The following LIMA1 variants were observed in gnomAD, a reference collection of about 807,000 sequenced individuals.
The protein encoded by LIMA1 is LIM domain and actin binding 1.
Under a neutral mutation model 62.6 loss-of-function variants are expected in LIMA1, and 52 were observed. That is an observed-to-expected ratio of 0.83 (90% CI 0.67 to 1.05). LIMA1 has a LOEUF of 1.05. LIMA1 is among the 50% of genes least tolerant of loss of function. LIMA1 has a pLI of 0.00. For synonymous variants in LIMA1, 302 were observed against 317.8 expected, an observed-to-expected ratio of 0.95 and a Z score of 0.53; for missense variants, 780 against 902.2, an observed-to-expected ratio of 0.86 and a Z score of 1.74.
intron 1 of LIMA1, among the ~76,000 whole-genome samples, chr12:50,272,592 CAA>C (rs1004308971): frequency 1.3e-4 from 12 of 95,374 alleles, no homozygotes; most frequent in Admixed American, 1.2e-4. Flanking sequence ...AACTCCGTCT[CAA>C]AAAAAAAAAA....
Position 50,222,385 on chromosome 12 carries a change from G to C in LIMA1, c.266C>G (p.Ser89Cys), listed in dbSNP as rs1565847467. Residue 89 changes from serine to cysteine, a missense_variant, in exon 4 of 11, where the codon TCT becomes TGT. Ser to Cys is a moderately radical substitution (Grantham distance 112). Transcript: ENST00000341247. ...AATCTCAGTGCTGCTGTTCCGTAGA[G>C]AGTCTGTGTGAGACTCTGCTCCCAG... The part of the protein sequence containing the change: ...PGLGAESHTD[S>C]LRNSSTEIRH... 1 of 1,614,148 alleles carries C rather than the reference G, an allele frequency of 6.2e-7. No homozygotes were observed. Among genetic ancestry groups the C allele is most frequent in the Admixed American group, 1.7e-5 (1 of 60,010 alleles).
At chr12:50,215,427 T>C (rs1941326462) in intron 4 of LIMA1, among the ~76,000 whole-genome samples, 4 of 152,178 alleles carry the variant, frequency 2.6e-5, no homozygotes, top group Non-Finnish European at 5.9e-5. Context: ...TGTTATTTTA[T>C]ATATGTCTAT....
rs1160716291 is a variant in LIMA1 at position 50,267,527 on chromosome 12, C to CT, written c.-24+15892dup. 6.3e-3 allele frequency among the ~76,000 whole-genome samples: 815 copies of CT among 129,002 alleles called. 3 individuals carry two copies. The highest frequency in any genetic ancestry group is 8.0e-3 in the Non-Finnish European group (470 of 58,998). The allele number at this position is 129,002 out of a possible 152,430, so 84.6% of individuals were successfully genotyped here. ...TCACCGTGCCCCCTGGCCACATTTACTTTTTTTTTTTGAGACAGAGTCTCG... is the reference window on the plus strand; with the variant it reads ...TCACCGTGCCCCCTGGCCACATTTACTTTTTTTTTTTTGAGACAGAGTCTCG... On this transcript the variant is annotated intron_variant, in intron 1 of 10. Transcript: ENST00000341247.
chr12:50,278,362 C>T (rs1055294927), intron 1 of LIMA1, among the ~76,000 whole-genome samples: 9 of 152,126 alleles, frequency 5.9e-5, no homozygotes, highest in African/African-American at 2.2e-4. Flanking sequence ...GTGGAGCTTG[C>T]AGTGAGCAGA....
intron 1 of LIMA1, among the ~76,000 whole-genome samples, chr12:50,280,105 T>C (rs1942320694): frequency 6.7e-6 from 1 of 150,350 alleles, no homozygotes; most frequent in Non-Finnish European, 1.5e-5. Context: ...CATCTTTTTT[T>C]CCCCTAAAGA....
At position 50,222,379 on chromosome 12, in the gene LIMA1, C is replaced by G. The variant is rs770526598; in HGVS notation, c.272G>C (p.Arg91Pro). 2 of 1,614,134 alleles carry G rather than the reference C, an allele frequency of 1.2e-6. No individual in the cohort carries two copies. Among genetic ancestry groups the G allele is most frequent in the Non-Finnish European group, 8.5e-7 (1 of 1,180,024 alleles). The change falls in exon 4 of 11, where the codon CGG becomes CCG. Residue 91 changes from arginine to proline, a missense_variant. Transcript: ENST00000341247. ...GTGCCTAATCTCAGTGCTGCTGTTC[C>G]GTAGAGAGTCTGTGTGAGACTCTGC... is the stretch of plus-strand genomic sequence containing the variant. ...LGAESHTDSL[R>P]NSSTEIRHRA...
intron 4 of LIMA1, among the ~76,000 whole-genome samples, chr12:50,208,992 CTTT>C (rs34753640): frequency 4.4e-5 from 6 of 136,238 alleles, no homozygotes; most frequent in Admixed American, 7.4e-5. Context: ...TTCTTTCTTT[CTTT>C]TTTTTTTTTT....
intron 1 of LIMA1, among the ~76,000 whole-genome samples, chr12:50,265,130 G>A (rs1358430944): frequency 1.1e-4 from 17 of 151,062 alleles, no homozygotes; most frequent in African/African-American, 4.1e-4. Flanking sequence ...TCCAGCCTGG[G>A]CAACAGAGTG....
chr12:50,203,008 CTTTT>C (rs11292692), intron 6 of LIMA1, among the ~76,000 whole-genome samples: 5 of 121,452 alleles, frequency 4.1e-5, no homozygotes, highest in Non-Finnish European at 6.8e-5. Flanking sequence ...AGGTAACTTC[CTTTT>C]TTTTTTTTTT....
At chr12:50,204,490 A>G (rs944841434) in intron 6 of LIMA1, 62 bp downstream of exon 6, 10 of 1,549,640 alleles carry the variant, frequency 6.5e-6, no homozygotes, top group African/African-American at 2.7e-5. Flanking sequence ...TAATTCCAGT[A>G]CTCAGTGACC....
At chr12:50,183,552 G>A (rs545327432) in intron 9 of LIMA1, among the ~76,000 whole-genome samples, 6 of 152,150 alleles carry the variant, frequency 3.9e-5, no homozygotes, top group South Asian at 4.1e-4. Context: ...AGTGTCTCAC[G>A]CCCATAATCC....
chr12:50,226,186 G>A (rs1192134843), intron 3 of LIMA1, among the ~76,000 whole-genome samples: 2 of 151,742 alleles, frequency 1.3e-5, no homozygotes, highest in South Asian at 2.1e-4. Flanking sequence ...ATCTGGGACC[G>A]CAGGCCCATG....
intron 1 of LIMA1, among the ~76,000 whole-genome samples, chr12:50,269,922 TAA>T (rs1172694068): frequency 4.9e-4 from 46 of 94,728 alleles, no homozygotes; most frequent in Admixed American, 1.0e-3. Flanking sequence ...CTCCGTCAAA[TAA>T]AAAAAAAAAA....
chr12:50,191,538 C>T (rs948105096), intron 9 of LIMA1, among the ~76,000 whole-genome samples: 1 of 150,474 alleles, frequency 6.6e-6, no homozygotes, highest in African/African-American at 2.4e-5. Flanking sequence ...AAAAACAAAA[C>T]AGGCCAGGCG....
chr12:50,187,097 G>T (rs1213930009), intron 9 of LIMA1: 1 of 152,198 alleles, frequency 6.6e-6, no homozygotes, highest in Admixed American at 6.5e-5. Flanking sequence ...CATAAATACT[G>T]TCTTTCCCGT....
At chr12:50,230,512 G>A (rs1374962475) in intron 3 of LIMA1, among the ~76,000 whole-genome samples, 2 of 152,164 alleles carry the variant, frequency 1.3e-5, no homozygotes, top group African/African-American at 4.8e-5. Flanking sequence ...AGAGGCAAGA[G>A]GGAAGGAAGA....
At chr12:50,179,200 G>A (rs1940431391) in intron 10 of LIMA1, among the ~76,000 whole-genome samples, 1 of 150,180 alleles carries the variant, frequency 6.7e-6, no homozygotes, top group Admixed American at 6.6e-5. Context: ...GGAGTGCAGT[G>A]GCATGATCTC....
intron 3 of LIMA1, among the ~76,000 whole-genome samples, chr12:50,231,086 A>T (rs1324626888): frequency 6.6e-6 from 1 of 152,172 alleles, no homozygotes; most frequent in Non-Finnish European, 1.5e-5. Context: ...TCCTCACAAG[A>T]TTAAATCAAG....
rs1302918838 is a variant in LIMA1, at chr12:50,209,026, TCAC to T, written c.631-2961_631-2959del. Among the ~76,000 whole-genome samples the T allele has an allele frequency of 4.7e-5, 7 of 149,154 alleles. No homozygotes were observed. The East Asian group carries it at 1.2e-3, about 25-fold the overall frequency. On this transcript the variant is annotated intron_variant, in intron 4 of 10. Transcript: ENST00000341247. The stretch of plus-strand genomic sequence containing the variant: ...TTTTTTTTACAGTAGAGACAGGGTC[TCAC>T]CACGTTGCCCAGGCTGGTCTCAAAC...
Sources: allele counts gnomAD v4.1 joint callset (sites outside exome capture counted in the v4.1 genomes callset), GRCh38; gene constraint gnomAD v4.1.1; transcripts MANE v1.5; gene names NCBI Gene and HGNC (gene_info 2026-07-23, HGNC 2026-07-21).